The following FARP1 variants were observed in gnomAD, a reference collection of about 807,000 sequenced individuals.
FARP1 encodes the protein FERM, ARHGEF and pleckstrin domain-containing protein 1.
FARP1 carries 52 observed loss-of-function variants against 128.8 expected under a neutral mutation model. That is an observed-to-expected ratio of 0.40 (90% CI 0.32 to 0.51). FARP1 has a LOEUF of 0.51. Among genes scored for constraint, FARP1 ranks in the 20% least tolerant of loss-of-function variants. The pLI is 0.45. For synonymous variants in FARP1, 580 were observed against 551.8 expected (o/e 1.05, Z -0.72); for missense variants, 1,333 against 1,367.9 (o/e 0.97, Z 0.40).
At chr13:98,230,605 C>A (rs1194397171) in intron 2 of FARP1, among the ~76,000 whole-genome samples, 2 of 151,650 alleles carry the variant, frequency 1.3e-5, no homozygotes, top group Non-Finnish European at 2.9e-5. Context: ...TTACTGTGAC[C>A]TAGGCAGTCA....
chr13:98,314,770 G>A (rs887123509), intron 2 of FARP1, among the ~76,000 whole-genome samples: 8 of 152,210 alleles, frequency 5.3e-5, no homozygotes, highest in Non-Finnish European at 7.3e-5. Context: ...GAATAACCCA[G>A]CTCTTGTGGT....
At chr13:98,280,557 C>T (rs1359437358) in intron 2 of FARP1, among the ~76,000 whole-genome samples, 2 of 152,240 alleles carry the variant, frequency 1.3e-5, no homozygotes, top group Admixed American at 6.5e-5. Flanking sequence ...CCTGGCCGGA[C>T]ACCCGGTGTA....
chr13:98,352,892 A>G (rs1000458458), intron 3 of FARP1, among the ~76,000 whole-genome samples: 1 of 152,190 alleles, frequency 6.6e-6, no homozygotes, highest in Non-Finnish European at 1.5e-5. Context: ...TAGATTAAAC[A>G]ATATAAACTC....
At chr13:98,337,380 T>C (rs1321802208) in intron 2 of FARP1, among the ~76,000 whole-genome samples, 1 of 152,016 alleles carries the variant, frequency 6.6e-6, no homozygotes, top group Admixed American at 6.6e-5. Context: ...CAAAAAAATG[T>C]TTAAATAACA....
intron 3 of FARP1, among the ~76,000 whole-genome samples, chr13:98,357,292 T>C (rs892295466): frequency 3.9e-5 from 6 of 152,240 alleles, no homozygotes; most frequent in African/African-American, 7.2e-5. Context: ...TTCCTTTCAA[T>C]TGAAATTTTT....
rs1030457681 is a variant in FARP1 at position 98,150,046 on chromosome 13, C to CT, written c.-24+6563dup. On this transcript the variant is annotated intron_variant, in intron 1 of 26. Coordinates refer to ENST00000319562, the MANE Select transcript of FARP1 (RefSeq NM_005766.4). The stretch of plus-strand genomic sequence containing the variant: ...GCCACCGCGCCCGGCCAAATATTTA[C>CT]TTTTTTTTTGAGACGGAGTCTCACT... 4.3e-4 allele frequency among the ~76,000 whole-genome samples: 62 copies of CT among 144,580 alleles called. No homozygotes were observed. The East Asian group carries it at 4.8e-3, about 11-fold the overall frequency. 94.9% of individuals were successfully genotyped at this position (144,580 alleles called of 152,430 possible). A position where few individuals can be genotyped will look rare whatever the true frequency, so the allele number is the denominator to read the frequency against.
At chr13:98,265,699 T>G (rs1200517525) in intron 2 of FARP1, among the ~76,000 whole-genome samples, 3 of 152,194 alleles carry the variant, frequency 2.0e-5, no homozygotes, top group Non-Finnish European at 4.4e-5. Context: ...TAACTGTGCT[T>G]CTCTGAGCTA....
chr13:98,249,849 T>C (rs1467582671), intron 2 of FARP1, among the ~76,000 whole-genome samples: 1 of 152,176 alleles, frequency 6.6e-6, no homozygotes, highest in East Asian at 1.9e-4. Flanking sequence ...CAGGGGCAAA[T>C]GAACAGTCTG....
In FARP1 at chr13:98,210,572, CAG is replaced by C. The variant is rs547786312; in HGVS notation, c.-23-2645_-23-2644del. 2.5e-4 allele frequency among the ~76,000 whole-genome samples: 36 copies of C among 142,470 alleles called. No individual in the cohort carries two copies. The South Asian group carries it at 7.1e-3, about 28-fold the overall frequency. The allele number at this position is 142,470 out of a possible 152,430, so 93.5% of individuals were successfully genotyped here. On this transcript the variant is annotated intron_variant, in intron 1 of 26. Coordinates refer to ENST00000319562, the MANE Select transcript of FARP1 (RefSeq NM_005766.4). Reference sequence around the variant, plus strand: ...TTCTATCTTTTCTTTTTTTTTGAGACAGAGTCTCGCTCTGTCGCCCAGGCTGG... The same window carrying C: ...TTCTATCTTTTCTTTTTTTTTGAGACAGTCTCGCTCTGTCGCCCAGGCTGG...
At chr13:98,168,170 T>G (rs1399590084) in intron 1 of FARP1, among the ~76,000 whole-genome samples, 2 of 120,942 alleles carry the variant, frequency 1.7e-5, no homozygotes, top group African/African-American at 6.5e-5. Context: ...AGACTCCATC[T>G]CAAAAAAAAA....
chr13:98,186,713 C>T (rs774392553), intron 1 of FARP1, among the ~76,000 whole-genome samples: 2 of 151,764 alleles, frequency 1.3e-5, no homozygotes, highest in Non-Finnish European at 2.9e-5. Context: ...TGATATGGGC[C>T]GGGCGTGGTG....
intron 3 of FARP1, among the ~76,000 whole-genome samples, chr13:98,344,707 G>C (rs1181737296): frequency 6.6e-6 from 1 of 152,218 alleles, no homozygotes; most frequent in Non-Finnish European, 1.5e-5. Flanking sequence ...GGGAAGAGCC[G>C]TCAGAGGCAG....
intron 14 of FARP1, 93 bp downstream of exon 14, chr13:98,409,618 A>C: frequency 8.4e-7 from 1 of 1,196,148 alleles, no homozygotes; most frequent in Non-Finnish European, 1.1e-6. Flanking sequence ...ACATAAGAGC[A>C]AAGGTACCAT....
At chr13:98,304,220 A>G (rs1566853944) in intron 2 of FARP1, among the ~76,000 whole-genome samples, 3 of 152,090 alleles carry the variant, frequency 2.0e-5, no homozygotes, top group Admixed American at 6.5e-5. Flanking sequence ...CCAGACCTGC[A>G]TATGGAAGCC....
At chr13:98,209,766 C>T (rs939512740) in intron 1 of FARP1, among the ~76,000 whole-genome samples, 15 of 120,740 alleles carry the variant, frequency 1.2e-4, no homozygotes, top group African/African-American at 4.8e-4. Context: ...TATTGCACTC[C>T]AGCCTGGGCA....
At chr13:98,277,598 G>A (rs1288871656) in intron 2 of FARP1, among the ~76,000 whole-genome samples, 1 of 152,198 alleles carries the variant, frequency 6.6e-6, no homozygotes, top group Non-Finnish European at 1.5e-5. Flanking sequence ...AAAGGGGTGA[G>A]GCCTTCTGGG....
At chr13:98,201,766 A>T (rs1438456512) in intron 1 of FARP1, among the ~76,000 whole-genome samples, 6 of 152,200 alleles carry the variant, frequency 3.9e-5, no homozygotes, top group African/African-American at 1.2e-4. Context: ...CTATTTAATT[A>T]AAAAAATTGT....
intron 19 of FARP1, among the ~76,000 whole-genome samples, chr13:98,437,518 A>G (rs960937889): frequency 2.6e-4 from 39 of 150,384 alleles, no homozygotes; most frequent in African/African-American, 9.3e-4. Flanking sequence ...CAAGGAGACA[A>G]AGGCTTGCTG....
At chr13:98,305,702 T>C (rs1391475638) in intron 2 of FARP1, among the ~76,000 whole-genome samples, 1 of 152,180 alleles carries the variant, frequency 6.6e-6, no homozygotes, top group African/African-American at 2.4e-5. Flanking sequence ...TCACAACCTC[T>C]TTCCTCATTT....
Sources: allele counts gnomAD v4.1 joint callset (sites outside exome capture counted in the v4.1 genomes callset), GRCh38; gene constraint gnomAD v4.1.1; transcripts MANE v1.5; gene names NCBI Gene and HGNC (gene_info 2026-07-23, HGNC 2026-07-21).